Variants in HTT observed in about 807,000 individuals in gnomAD.
HTT encodes the protein huntingtin, also known as huntington disease protein.
A neutral mutation model predicts 362.3 loss-of-function variants in HTT; 104 were observed. That is an observed-to-expected ratio of 0.29 (90% CI 0.24 to 0.34). The LOEUF is 0.34. HTT is among the 10% of genes least tolerant of loss of function. The probability of loss-of-function intolerance (pLI) is 1.00; values close to 1 mark genes in which losing one functional copy is unlikely to be tolerated. For missense variants in HTT, 3,301 were observed against 3,928.6 expected (o/e 0.84, Z 4.27); for synonymous variants, 1,577 against 1,548.7 (o/e 1.02, Z -0.43).
chr4:3,078,075 G>A (rs1250008691), intron 1 of HTT, among the ~76,000 whole-genome samples: 2 of 152,226 alleles, frequency 1.3e-5, no homozygotes, highest in African/African-American at 4.8e-5. Context: ...TCAGCATACA[G>A]GATGCAGGAG....
chr4:3,080,181 A>C lies in HTT; in HGVS notation c.263+5093A>C, dbSNP rs189345990. 3.4e-5 allele frequency among the ~76,000 whole-genome samples: 5 copies of C among 149,126 alleles called. No homozygotes were observed. The East Asian group carries it at 9.9e-4, about 30-fold the overall frequency. On this transcript the variant is annotated intron_variant, in intron 1 of 66. Transcript: ENST00000355072. ...GTGATCTCAGCTCACTAAAACCTCT[A>C]CCTCCTGGGTTCAAGTGATTCTTCT...
At chr4:3,135,602 G>A (rs544805461) in intron 19 of HTT, among the ~76,000 whole-genome samples, 1 of 152,202 alleles carries the variant, frequency 6.6e-6, no homozygotes, top group South Asian at 2.1e-4. Flanking sequence ...GTTATGGAGG[G>A]CCCAGCTCAC....
intron 1 of HTT, among the ~76,000 whole-genome samples, chr4:3,081,358 A>G (rs1429916866): frequency 3.3e-5 from 5 of 152,136 alleles, no homozygotes; most frequent in Non-Finnish European, 7.4e-5. Flanking sequence ...GTTCCAATAG[A>G]ATTTTATTAA....
At chr4:3,151,926 A>T (rs1263603362) in intron 26 of HTT, among the ~76,000 whole-genome samples, 2 of 152,024 alleles carry the variant, frequency 1.3e-5, no homozygotes, top group Non-Finnish European at 2.9e-5. Context: ...ATTTTTTAAA[A>T]AATTTAATTT....
chr4:3,209,461 C>T (rs2110272753), intron 46 of HTT, among the ~76,000 whole-genome samples: 1 of 152,334 alleles, frequency 6.6e-6, no homozygotes, highest in East Asian at 1.9e-4. Context: ...TCAGTCCTGC[C>T]TTCTTAGGCT....
At chr4:3,203,857 A>G (rs1719711145) in intron 41 of HTT, 150 bp from the exon 42 acceptor site, 3 of 667,810 alleles carry the variant, frequency 4.5e-6, no homozygotes, top group Admixed American at 5.6e-5. Flanking sequence ...AACTGAGAGT[A>G]TATATTACAC....
intron 40 of HTT, among the ~76,000 whole-genome samples, chr4:3,190,257 G>GGATC (rs930363501): frequency 5.3e-5 from 8 of 151,108 alleles, no homozygotes; most frequent in Non-Finnish European, 8.8e-5. Context: ...TGAGGTGGGA[G>GGATC]GATCTCTTGA....
intron 9 of HTT, 137 bp downstream of exon 9, chr4:3,121,569 C>G: frequency 1.6e-6 from 1 of 627,832 alleles, no homozygotes. Flanking sequence ...CAAATTTCAT[C>G]TTTATTTTAT....
intron 49 of HTT, among the ~76,000 whole-genome samples, chr4:3,213,580 G>C (rs1206415867): frequency 6.6e-6 from 1 of 152,208 alleles, no homozygotes; most frequent in African/African-American, 2.4e-5. Flanking sequence ...CCCAAGGCCT[G>C]CTATCCCTAG....
rs184809442 is a variant in HTT, at chr4:3,110,620, C to G, written c.747+3197C>G. ...ATTCATAAAAATGCCATTTTTTTTC[C>G]TGTACACTTGGCTGGGTATGGTGTT... On this transcript the variant is annotated intron_variant, in intron 6 of 66. Coordinates refer to ENST00000355072, the MANE Select transcript of HTT (RefSeq NM_001388492.1). 1.6e-3 allele frequency among the ~76,000 whole-genome samples: 244 copies of G among 152,144 alleles called. 1 individual carries two copies. Among genetic ancestry groups the G allele is most frequent in the African/African-American group, 5.6e-3 (233 of 41,520 alleles).
At chr4:3,147,918 AG>A in intron 25 of HTT, 86 bp from the exon 26 acceptor site, 1 of 1,030,524 alleles carries the variant, frequency 9.7e-7, no homozygotes, top group Non-Finnish European at 1.4e-6. Context: ...CTCTCAACAT[AG>A]GGTCTTAAAT....
intron 34 of HTT, 78 bp from the exon 35 acceptor site, chr4:3,178,220 T>C (rs1718330084): frequency 2.7e-6 from 3 of 1,120,810 alleles, no homozygotes; most frequent in Non-Finnish European, 3.9e-6. Context: ...GGTTGAATCA[T>C]GAATTATTTT....
At chr4:3,214,554 A>G (rs576094376) in intron 50 of HTT, among the ~76,000 whole-genome samples, 1 of 152,382 alleles carries the variant, frequency 6.6e-6, no homozygotes, top group South Asian at 2.1e-4. Context: ...GTACTGTAAA[A>G]TAAAAGTGGC....
chr4:3,206,956 A>G lies in HTT; in HGVS notation c.6048A>G (p.Val2016=), dbSNP rs1237927246. ...TCGACATCCTTGCTTGTCGCCGGGTAGAAATGCTTCTGGCTGCAAATTTAC... is the reference window on the plus strand; with the variant it reads ...TCGACATCCTTGCTTGTCGCCGGGTGGAAATGCTTCTGGCTGCAAATTTAC... The part of the protein sequence containing the change: ...RMVDILACRR[V]EMLLAANLQS... Residue 2016 remains valine (V), a synonymous_variant, in exon 44 of 67, where the codon GTA becomes GTG. Coordinates refer to ENST00000355072, the MANE Select transcript of HTT (RefSeq NM_001388492.1). The surrounding 1 kb of genome is among the most constrained non-coding windows in gnomAD (Gnocchi z 4.6). The G allele has an allele frequency of 1.4e-5, 23 of 1,611,914 alleles. No individual in the cohort carries two copies. Among genetic ancestry groups the G allele is most frequent in the Non-Finnish European group, 1.9e-5 (22 of 1,179,386 alleles).
Position 3,157,196 on chromosome 4 carries a change from C to T in HTT, c.3750C>T (p.Tyr1250=). The change falls in exon 28 of 67, where the codon TAC becomes TAT. Residue 1250 remains tyrosine, a synonymous_variant. Transcript: ENST00000355072. Reference sequence around the variant, plus strand: ...TCCTGAAAGCTACACACGCTAACTACAAGGTATGGGCCTCTGCATCTTTTA... The same window carrying T: ...TCCTGAAAGCTACACACGCTAACTATAAGGTATGGGCCTCTGCATCTTTTA... ...HDVLKATHAN[Y]KVTLDLQNST... 6.2e-7 allele frequency: 1 copy of T among 1,612,908 alleles called. No homozygotes were observed. Among genetic ancestry groups the T allele is most frequent in the Non-Finnish European group, 8.5e-7 (1 of 1,179,504 alleles).
At chr4:3,188,095 C>A (rs1435297473) in intron 39 of HTT, 1 of 512,920 alleles carries the variant, frequency 1.9e-6, no homozygotes, top group African/African-American at 1.9e-5. Flanking sequence ...TGTTCTGTCT[C>A]TTGTCCTCAG....
intron 36 of HTT, among the ~76,000 whole-genome samples, chr4:3,181,897 C>T (rs937971367): frequency 6.6e-6 from 1 of 152,074 alleles, no homozygotes; most frequent in African/African-American, 2.4e-5. Flanking sequence ...CCATGTATAC[C>T]TCTGGGAAGC....
At chr4:3,163,942 C>A (rs572719244) in intron 29 of HTT, among the ~76,000 whole-genome samples, 4 of 151,762 alleles carry the variant, frequency 2.6e-5, no homozygotes, top group Non-Finnish European at 5.9e-5. Flanking sequence ...CTGCTCTGAT[C>A]TTAGTTATTT....
rs181374114 is a variant in HTT, at chr4:3,121,510, C to T, written c.1273+78C>T. 3.8e-5 allele frequency: 36 copies of T among 952,380 alleles called. No individual in the cohort carries two copies. In the Middle Eastern group the frequency reaches 9.2e-4, roughly 24 times the overall value. The allele number at this position is 952,380 out of a possible 1,614,324, so 59.0% of individuals were successfully genotyped here. A position where few individuals can be genotyped will look rare whatever the true frequency, so the allele number is the denominator to read the frequency against. On this transcript the variant is annotated intron_variant, in intron 9 of 66. Transcript: ENST00000355072. Reference sequence around the variant, plus strand: ...TACACTCTATTGATTATGGGCCTGCCCTGTGCTAAGCAGTCTGCATTCCAT... The same window carrying T: ...TACACTCTATTGATTATGGGCCTGCTCTGTGCTAAGCAGTCTGCATTCCAT...
Sources: gnomAD v4.1 joint callset for allele counts (sites outside exome capture counted in the v4.1 genomes callset) on GRCh38, gnomAD v4.1.1 for gene constraint, Gnocchi (gnomAD v3.1) non-coding constraint, MANE v1.5 for transcripts, NCBI Gene and HGNC (gene_info 2026-07-23, HGNC 2026-07-21) for gene names.